Variants in KLHL10 observed in about 807,000 individuals in gnomAD.
KLHL10 encodes kelch-like protein 10.
In KLHL10, 11 loss-of-function variants were observed where a neutral mutation model predicts 46.6. That is an observed-to-expected ratio of 0.24 (90% CI 0.15 to 0.39). The LOEUF is 0.39. Among genes scored for constraint, KLHL10 ranks in the 10% least tolerant of loss-of-function variants. The pLI, the probability that KLHL10 is intolerant of heterozygous loss-of-function variation, is 1.00. For synonymous variants in KLHL10, 254 were observed against 279.1 expected (o/e 0.91, Z 0.90); for missense variants, 475 against 789.8 (o/e 0.60, Z 4.78).
chr17:41,836,417 G>A (rs1444256168), upstream of KLHL10: 2 of 985,172 alleles, frequency 2.0e-6, no homozygotes, highest in African/African-American at 3.5e-5. Context: ...ATGAAGAGCA[G>A]GGTGAAGGTC....
chr17:41,839,766 G>A (rs1454743231), intron 1 of KLHL10, among the ~76,000 whole-genome samples: 1 of 152,168 alleles, frequency 6.6e-6, no homozygotes, highest in Non-Finnish European at 1.5e-5. Flanking sequence ...AGGCTGGAGT[G>A]CAGTGGCACA....
chr17:41,837,298 G>A (rs1188846124), upstream of KLHL10, among the ~76,000 whole-genome samples: 2 of 152,202 alleles, frequency 1.3e-5, no homozygotes, highest in African/African-American at 4.8e-5. Flanking sequence ...CCAAGTAGCT[G>A]GGACTACAGG....
At chr17:41,836,297 C>G, upstream of KLHL10, 1 of 1,196,036 alleles carries the variant, frequency 8.4e-7, no homozygotes, top group Middle Eastern at 3.3e-4. Flanking sequence ...GTTGGTGGGG[C>G]CGGGGGCGGG....
At chr17:41,835,881 T>A (rs2048145333), upstream of KLHL10, 4 of 1,609,066 alleles carry the variant, frequency 2.5e-6, no homozygotes, top group Admixed American at 5.0e-5. Context: ...TCCGCCGCCC[T>A]TGCGGAGGGC....
At position 41,842,315 on chromosome 17, in the gene KLHL10, C is replaced by A; in HGVS notation, c.684+3C>A. 6.2e-7 allele frequency: 1 copy of A among 1,613,634 alleles called. No individual in the cohort carries two copies. Among genetic ancestry groups the A allele is most frequent in the South Asian group, 1.1e-5 (1 of 91,026 alleles). ...ACATTTCAATTTTGCTTCCTAAGGT[C>A]AGTGTTCACTCTTGATTCATTTATC... On this transcript the variant is annotated splice_donor_region_variant and intron_variant, in intron 2 of 4. Coordinates refer to ENST00000293303, the MANE Select transcript of KLHL10 (RefSeq NM_152467.5).
chr17:41,843,796 C>T (rs1439221455), intron 2 of KLHL10, among the ~76,000 whole-genome samples: 1 of 152,102 alleles, frequency 6.6e-6, no homozygotes, highest in African/African-American at 2.4e-5. Flanking sequence ...AGGAGTCTCA[C>T]TGTTGCCCAG....
rs534512988 is a variant in KLHL10 at position 41,846,988 on chromosome 17, G to A, written c.1303-273G>A. Among the ~76,000 whole-genome samples, 6 of 152,224 alleles carry A rather than the reference G, an allele frequency of 3.9e-5. No individual in the cohort carries two copies. The South Asian group carries it at 1.0e-3, about 26-fold the overall frequency. The stretch of plus-strand genomic sequence containing the variant: ...AAATTAGCGGAGCGTGGCAGTGTGC[G>A]CCTGTAGTCCCAGCTACTCCAGATG... On this transcript the variant is annotated intron_variant, in intron 3 of 4. Transcript: ENST00000293303.
chr17:41,838,525 G>A (rs1555620435), intron 1 of KLHL10, among the ~76,000 whole-genome samples: 1 of 151,862 alleles, frequency 6.6e-6, no homozygotes, highest in African/African-American at 2.4e-5. Flanking sequence ...GTCTCCCAAA[G>A]TGCTGGGATT....
At chr17:41,840,698 T>TA in intron 1 of KLHL10, among the ~76,000 whole-genome samples, 1 of 152,234 alleles carries the variant, frequency 6.6e-6, no homozygotes, top group Middle Eastern at 3.4e-3. Flanking sequence ...AAATCATTCT[T>TA]AATTTGTGGG....
Position 41,841,874 on chromosome 17 carries a change from C to T in KLHL10, c.246C>T (p.Ile82=), listed in dbSNP as rs2048230012. 1.2e-6 allele frequency: 2 copies of T among 1,614,174 alleles called. No homozygotes were observed. Among genetic ancestry groups the T allele is most frequent in the Non-Finnish European group, 1.7e-6 (2 of 1,180,032 alleles). ...ACACTGAAAAGAAGGTATACAACAT[C>T]CCTGGCATTTCTCCCGACATGATGA... The part of the protein sequence containing the change: ...WNNTEKKVYN[I]PGISPDMMKL... Residue 82 remains isoleucine, a synonymous_variant, in exon 2 of 5, where the codon ATC becomes ATT. Coordinates refer to ENST00000293303, the MANE Select transcript of KLHL10 (RefSeq NM_152467.5).
At chr17:41,847,821 T>C in intron 4 of KLHL10, 112 bp from the exon 5 acceptor site, 1 of 1,443,350 alleles carries the variant, frequency 6.9e-7, no homozygotes, top group South Asian at 1.2e-5. Context: ...CTTTTTTTCA[T>C]GGAAGATAAT....
chr17:41,839,886 T>TC (rs2048209188), intron 1 of KLHL10, among the ~76,000 whole-genome samples: 1 of 8,982 alleles, frequency 1.1e-4, no homozygotes, highest in Non-Finnish European at 2.6e-4. Flanking sequence ...CTAATTTTTC[T>TC]TTTTTTTTTT....
intron 3 of KLHL10, among the ~76,000 whole-genome samples, chr17:41,846,755 T>C (rs941382449): frequency 6.6e-6 from 1 of 151,434 alleles, no homozygotes; most frequent in Non-Finnish European, 1.5e-5. Context: ...GTGGAGGTTG[T>C]AGTGAGCCGG....
At chr17:41,836,062 AG>A, upstream of KLHL10, 1 of 1,395,900 alleles carries the variant, frequency 7.2e-7, no homozygotes. Context: ...GGGGTGCGCG[AG>A]GGGGCGGCTA....
chr17:41,836,186 T>C, upstream of KLHL10: 1 of 1,260,074 alleles, frequency 7.9e-7, no homozygotes, highest in East Asian at 3.1e-5. Flanking sequence ...CCTCACCTCC[T>C]CTGCCATCCC....
chr17:41,844,049 G>A (rs2048255411), intron 2 of KLHL10, among the ~76,000 whole-genome samples: 2 of 150,952 alleles, frequency 1.3e-5, no homozygotes, highest in Admixed American at 1.3e-4. Flanking sequence ...GTGTGAGCTA[G>A]CGCCCGGCTG....
At chr17:41,837,197 ACT>A (rs2048172383), upstream of KLHL10, among the ~76,000 whole-genome samples, 1 of 152,002 alleles carries the variant, frequency 6.6e-6, no homozygotes, top group African/African-American at 2.4e-5. Flanking sequence ...ATGGAGTCTC[ACT>A]CTGTCGCCAG....
intron 2 of KLHL10, among the ~76,000 whole-genome samples, chr17:41,843,350 C>T (rs2048246364): frequency 1.3e-5 from 2 of 150,788 alleles, no homozygotes; most frequent in African/African-American, 4.9e-5. Flanking sequence ...ACCGAAAATA[C>T]AAAAATTAGC....
chr17:41,837,506 T>C, upstream of KLHL10: 6 of 1,004,858 alleles, frequency 6.0e-6, no homozygotes, highest in Non-Finnish European at 7.2e-6. Flanking sequence ...TTGACTTGGA[T>C]TTCCTTGAGT....
Sources: gnomAD v4.1 joint callset for allele counts (sites outside exome capture counted in the v4.1 genomes callset) on GRCh38, gnomAD v4.1.1 for gene constraint, MANE v1.5 for transcripts, NCBI Gene and HGNC (gene_info 2026-07-23, HGNC 2026-07-21) for gene names.